Variants in ZNF248 observed in about 807,000 individuals in gnomAD.
ZNF248 encodes the protein KRAB protein domain.
ZNF248 carries 20 observed loss-of-function variants against 44.3 expected under a neutral mutation model. The ratio of observed to expected loss-of-function variants is 0.45; its 90% CI spans 0.32 to 0.66. The LOEUF (loss-of-function observed/expected upper bound fraction) is 0.66, where lower values mean the gene tolerates loss of function less well. Among genes scored for constraint, ZNF248 ranks in the 30% least tolerant of loss-of-function variants. ZNF248 has a pLI of 0.04. For synonymous variants in ZNF248, 224 were observed against 229.0 expected (o/e 0.98, Z 0.20); for missense variants, 654 against 677.0 (o/e 0.97, Z 0.38).
chr10:37,778,012 T>C (rs1306921264), intron 6 of ZNF248, among the ~76,000 whole-genome samples: 1 of 152,082 alleles, frequency 6.6e-6, no homozygotes, highest in East Asian at 1.9e-4. Flanking sequence ...GCATGTGTCT[T>C]TATAGCAGCA....
chr10:37,835,082 GGTTA>G (rs2134006616), intron 5 of ZNF248, among the ~76,000 whole-genome samples: 1 of 152,004 alleles, frequency 6.6e-6, no homozygotes, highest in East Asian at 1.9e-4. Context: ...AGCAACTTTA[GGTTA>G]GTTTGTTAAG....
chr10:37,829,058 A>G lies in ZNF248; in HGVS notation c.*2557T>C. On this transcript the variant is annotated 3_prime_UTR_variant, in exon 6 of 6. Transcript: ENST00000395867. ...AATAACACTGTGCTGCTTATTCTCC[A>G]TTTCTCTTCCCAGATTCTCTCTCCA... 1.0e-6 allele frequency: 1 copy of G among 985,420 alleles called. No homozygotes were observed. Among genetic ancestry groups the G allele is most frequent in the South Asian group, 4.7e-5 (1 of 21,286 alleles). The allele number at this position is 985,420 out of a possible 1,614,324, so 61.0% of individuals were successfully genotyped here. A position where few individuals can be genotyped will look rare whatever the true frequency, so the allele number is the denominator to read the frequency against.
At chr10:37,816,547 CTAT>C (rs1193660043) in intron 6 of ZNF248, among the ~76,000 whole-genome samples, 1 of 152,092 alleles carries the variant, frequency 6.6e-6, no homozygotes, top group East Asian at 1.9e-4. Flanking sequence ...CAAGGGGGGC[CTAT>C]TATTAGTTGT....
Position 37,832,573 on chromosome 10 carries a change from T to C in ZNF248, c.782A>G (p.Gln261Arg). The C allele has an allele frequency of 6.2e-7, 1 of 1,612,286 alleles. No homozygotes were observed. Among genetic ancestry groups the C allele is most frequent in the Non-Finnish European group, 8.5e-7 (1 of 1,178,478 alleles). Reference protein sequence around the residue: ...FIESLKLNISQRPHLEMEPYG... With the variant: ...FIESLKLNISRRPHLEMEPYG... ...CGGCTCCATTTCCAAATGAGGTCTT[T>C]GAGATATATTCAGCTTTAAACTTTC... Residue 261 changes from glutamine (Q) to arginine (R), a missense_variant, in exon 6 of 6, where the codon CAA (glutamine) becomes CGA (arginine). Gln to Arg is a conservative substitution (Grantham distance 43). Transcript: ENST00000395867.
At chr10:37,845,812 T>C (rs1412180926) in intron 3 of ZNF248, among the ~76,000 whole-genome samples, 1 of 152,156 alleles carries the variant, frequency 6.6e-6, no homozygotes. Flanking sequence ...TATTTCATTG[T>C]AATATGTCAA....
At chr10:37,762,176 G>A in the ZNF248 span, among the ~76,000 whole-genome samples, 13 of 152,124 alleles carry the variant, frequency 8.5e-5, no homozygotes, top group Non-Finnish European at 1.9e-4. Flanking sequence ...TGGAATAAGT[G>A]GGGGATAACT....
chr10:37,839,506 A>ACACACAC (rs1564616869), intron 3 of ZNF248, among the ~76,000 whole-genome samples: 1 of 110,828 alleles, frequency 9.0e-6, no homozygotes, highest in African/African-American at 3.3e-5. Flanking sequence ...TGTATACACA[A>ACACACAC]ACACACACAC....
At chr10:37,778,908 A>T (rs981406384) in intron 6 of ZNF248, among the ~76,000 whole-genome samples, 2 of 152,162 alleles carry the variant, frequency 1.3e-5, no homozygotes, top group African/African-American at 2.4e-5. Flanking sequence ...AAACTAGAAA[A>T]TCTAGAAGAA....
At chr10:37,766,949 G>A in the ZNF248 span, among the ~76,000 whole-genome samples, 1 of 152,160 alleles carries the variant, frequency 6.6e-6, no homozygotes, top group Non-Finnish European at 1.5e-5. Context: ...GGAGCTGAAA[G>A]CCAAGGCTCG....
chr10:37,825,231 G>A (rs930859801), downstream of ZNF248, among the ~76,000 whole-genome samples: 8 of 152,038 alleles, frequency 5.3e-5, no homozygotes, highest in African/African-American at 1.7e-4. Context: ...ATAAAATGAT[G>A]AGCACCTCAA....
downstream of ZNF248, among the ~76,000 whole-genome samples, chr10:37,825,880 G>A (rs1439684288): frequency 1.3e-5 from 2 of 149,620 alleles, no homozygotes; most frequent in Non-Finnish European, 3.0e-5. Flanking sequence ...CAACTTGGTT[G>A]CCCTGTGTCT....
intron 3 of ZNF248, among the ~76,000 whole-genome samples, chr10:37,842,977 G>A (rs1211696714): frequency 8.5e-5 from 13 of 152,162 alleles, no homozygotes; most frequent in Non-Finnish European, 1.9e-4. Flanking sequence ...TAAACAGCCT[G>A]GCTAAATGTT....
intron 6 of ZNF248, among the ~76,000 whole-genome samples, chr10:37,780,842 A>T (rs954749339): frequency 6.6e-6 from 1 of 151,830 alleles, no homozygotes; most frequent in Non-Finnish European, 1.5e-5. Flanking sequence ...TGCTTGTCAC[A>T]CTCGGGCTGA....
At chr10:37,819,792 G>A (rs1366018618) in intron 6 of ZNF248, 5 of 782,212 alleles carry the variant, frequency 6.4e-6, no homozygotes, top group African/African-American at 3.4e-5. Flanking sequence ...CTGGTTGCAG[G>A]AGGGTCCTGA....
At chr10:37,802,006 A>C (rs996656584) in intron 6 of ZNF248, among the ~76,000 whole-genome samples, 2 of 152,188 alleles carry the variant, frequency 1.3e-5, no homozygotes, top group Non-Finnish European at 2.9e-5. Context: ...AAGATCAAAA[A>C]TCTGCAGCTC....
intron 6 of ZNF248, among the ~76,000 whole-genome samples, chr10:37,822,477 C>G (rs905375872): frequency 6.6e-6 from 1 of 152,060 alleles, no homozygotes; most frequent in African/African-American, 2.4e-5. Context: ...ATTTGAAGTG[C>G]AAAGTCTGAC....
the ZNF248 span, among the ~76,000 whole-genome samples, chr10:37,760,071 A>G: frequency 6.6e-6 from 1 of 152,204 alleles, no homozygotes; most frequent in African/African-American, 2.4e-5. Context: ...CTGATCTTGG[A>G]AAGCAAGGAA....
At chr10:37,802,128 G>A (rs2049912579) in intron 6 of ZNF248, among the ~76,000 whole-genome samples, 1 of 152,120 alleles carries the variant, frequency 6.6e-6, no homozygotes. Flanking sequence ...ATCTATTTCT[G>A]TTTTTTCTAT....
At chr10:37,827,095 A>T (rs150177135), downstream of ZNF248, among the ~76,000 whole-genome samples, 37 of 152,274 alleles carry the variant, frequency 2.4e-4, no homozygotes, top group Middle Eastern at 3.4e-3. Flanking sequence ...AGGCCTGAGA[A>T]AGCTAAGGAA....
Sources: gnomAD v4.1 joint callset for allele counts (sites outside exome capture counted in the v4.1 genomes callset) on GRCh38, gnomAD v4.1.1 for gene constraint, MANE v1.5 for transcripts, NCBI Gene and HGNC (gene_info 2026-07-23, HGNC 2026-07-21) for gene names.